RPS6KA2: variants seen among roughly 807,000 people sequenced by gnomAD.
The protein encoded by RPS6KA2 is ribosomal protein S6 kinase A2.
In RPS6KA2, 42 loss-of-function variants were observed where a neutral mutation model predicts 91.8. That is an observed-to-expected ratio of 0.46 (90% CI 0.36 to 0.59). RPS6KA2 has a LOEUF of 0.59. Among genes scored for constraint, RPS6KA2 ranks in the 20% least tolerant of loss-of-function variants. The pLI is 0.00. For synonymous variants in RPS6KA2, 414 were observed against 393.6 expected (o/e 1.05, Z -0.61); for missense variants, 798 against 978.5 (o/e 0.82, Z 2.46).
Position 166,733,249 on chromosome 6 carries a change from T to G in RPS6KA2, c.123+124951A>C, listed in dbSNP as rs547395261. ...TAATAGCCTTAGGCTGCAAGAGTCC[T>G]GTGGACGGCACTGTTCCCAAAGTCA... On this transcript the variant is annotated intron_variant, in intron 2 of 21. Transcript: ENST00000503859. The surrounding 1 kb of genome is among the most constrained non-coding windows in gnomAD (Gnocchi z 4.1). 6.6e-6 allele frequency among the ~76,000 whole-genome samples: 1 copy of G among 152,358 alleles called. No individual in the cohort carries two copies. The highest frequency in any genetic ancestry group is 6.5e-5 in the Admixed American group (1 of 15,306).
At chr6:166,414,562 C>G (rs1778433515) in intron 19 of RPS6KA2, among the ~76,000 whole-genome samples, 1 of 152,220 alleles carries the variant, frequency 6.6e-6, no homozygotes, top group Non-Finnish European at 1.5e-5. Context: ...TACTTGGTTA[C>G]AGTGTGAATT....
intron 2 of RPS6KA2, among the ~76,000 whole-genome samples, chr6:166,769,941 A>AT (rs1778420945): frequency 6.6e-6 from 1 of 152,178 alleles, no homozygotes; most frequent in South Asian, 2.1e-4. Context: ...ACCTTATTAT[A>AT]TTTTTGCTTT....
intron 11 of RPS6KA2, among the ~76,000 whole-genome samples, chr6:166,465,582 G>A (rs1046566715): frequency 6.6e-6 from 1 of 152,224 alleles, no homozygotes; most frequent in African/African-American, 2.4e-5. Context: ...AGTTTACGCG[G>A]TGTCCTGAAC....
chr6:166,706,475 G>T (rs191515952), intron 2 of RPS6KA2, among the ~76,000 whole-genome samples: 1 of 152,312 alleles, frequency 6.6e-6, no homozygotes, highest in Admixed American at 6.5e-5. Context: ...ACCAAGAGTT[G>T]GTGAGCGTGG....
At chr6:166,833,478 G>A (rs1780237901) in intron 2 of RPS6KA2, among the ~76,000 whole-genome samples, 1 of 152,192 alleles carries the variant, frequency 6.6e-6, no homozygotes, top group Non-Finnish European at 1.5e-5. Flanking sequence ...AATTTGTACA[G>A]TCATGTAACC....
At position 166,852,398 on chromosome 6, in the gene RPS6KA2, CT is replaced by C. The variant is rs1218194517; in HGVS notation, c.123+5801del. Among the ~76,000 whole-genome samples, 1 of 152,204 alleles carries C rather than the reference CT, an allele frequency of 6.6e-6. No individual in the cohort carries two copies. The highest frequency in any genetic ancestry group is 2.4e-5 in the African/African-American group (1 of 41,456). On this transcript the variant is annotated intron_variant, in intron 2 of 21. Transcript: ENST00000503859. The surrounding 1 kb of genome is among the most constrained non-coding windows in gnomAD (Gnocchi z 4.1). Reference sequence around the variant, plus strand: ...GGGCTTCATTATTCACCTTGTCTCACTTCTATTCAGACCAGTTTAGATTGTT... The same window carrying C: ...GGGCTTCATTATTCACCTTGTCTCACTCTATTCAGACCAGTTTAGATTGTT...
At position 166,413,802 on chromosome 6, in the gene RPS6KA2, G is replaced by T. The variant is rs377599195; in HGVS notation, c.2068C>A (p.Leu690Met). ...PNQLSRQDVH[L>M]VKGAMAATYF... ...CTGTCGCCTGCCGGTACCTTCACCA[G>T]GTGCACGTCCTGTCGGCTGAGCTGG... The change falls in exon 20 of 21, where the codon CTG becomes ATG. Residue 690 changes from leucine (L) to methionine (M), a missense_variant. Physicochemically the swap from Leu to Met is conservative, Grantham distance 15. Coordinates refer to ENST00000265678, the MANE Select transcript of RPS6KA2 (RefSeq NM_021135.6). The T allele has an allele frequency of 1.5e-5, 25 of 1,614,006 alleles. No homozygotes were observed. In the African/African-American group the frequency reaches 2.9e-4, roughly 19 times the overall value.
At chr6:166,592,792 A>T (rs939063971) in intron 1 of RPS6KA2, among the ~76,000 whole-genome samples, 2 of 152,206 alleles carry the variant, frequency 1.3e-5, no homozygotes, top group African/African-American at 4.8e-5. Context: ...GACTCAAAGA[A>T]CAGGCCTTCG....
intron 3 of RPS6KA2, among the ~76,000 whole-genome samples, chr6:166,525,375 C>T (rs1211089852): frequency 7.2e-5 from 11 of 152,138 alleles, no homozygotes; most frequent in Admixed American, 7.2e-4. Context: ...GCAGCACCGC[C>T]GGGTCAGAGG....
At chr6:166,731,191 G>A (rs192178095) in intron 2 of RPS6KA2, among the ~76,000 whole-genome samples, 152 of 152,166 alleles carry the variant, frequency 1.0e-3, no homozygotes, top group African/African-American at 3.5e-3. Context: ...GCGGTGAGCC[G>A]AGATTGCGCC....
intron 8 of RPS6KA2, among the ~76,000 whole-genome samples, chr6:166,491,219 C>T (rs865780649): frequency 6.6e-6 from 1 of 152,198 alleles, no homozygotes; most frequent in Non-Finnish European, 1.5e-5. Context: ...GACCTGACCA[C>T]AGCCATTAGC....
intron 13 of RPS6KA2, among the ~76,000 whole-genome samples, chr6:166,450,017 A>C (rs78875799): frequency 1.2e-5 from 1 of 82,900 alleles, no homozygotes; most frequent in Non-Finnish European, 2.9e-5. Context: ...ATGTCACCTA[A>C]GGGACCACCA....
intron 10 of RPS6KA2, among the ~76,000 whole-genome samples, chr6:166,476,756 C>A (rs539240934): frequency 2.6e-5 from 4 of 152,068 alleles, no homozygotes; most frequent in Non-Finnish European, 5.9e-5. Context: ...GCAATGAAGA[C>A]GCATTTGCTC....
intron 2 of RPS6KA2, among the ~76,000 whole-genome samples, chr6:166,850,518 T>C (rs905052432): frequency 1.3e-5 from 2 of 152,162 alleles, no homozygotes; most frequent in Non-Finnish European, 2.9e-5. Context: ...CCCCGGATTT[T>C]TGTGCACTCA....
intron 2 of RPS6KA2, among the ~76,000 whole-genome samples, chr6:166,768,684 C>T (rs925046894): frequency 6.6e-6 from 1 of 152,162 alleles, no homozygotes; most frequent in Non-Finnish European, 1.5e-5. Flanking sequence ...GAGTTAAAGC[C>T]TTCACTTGGC....
chr6:166,545,839 G>A (rs193065230), intron 1 of RPS6KA2, among the ~76,000 whole-genome samples: 27 of 152,274 alleles, frequency 1.8e-4, no homozygotes, highest in African/African-American at 6.0e-4. Flanking sequence ...GCTTATAAAC[G>A]GTGACTGACA....
chr6:166,702,405 A>C, intron 2 of RPS6KA2: 1 of 1,604,424 alleles, frequency 6.2e-7, no homozygotes, highest in East Asian at 2.2e-5. Context: ...TCTAACTGAA[A>C]TCCATTCAGT....
At chr6:166,446,999 A>G (rs1779700624) in intron 14 of RPS6KA2, among the ~76,000 whole-genome samples, 1 of 152,212 alleles carries the variant, frequency 6.6e-6, no homozygotes, top group South Asian at 2.1e-4. Context: ...GCTCTTCACC[A>G]CTGGAACATC....
At chr6:166,862,452 C>CCGCT in exon 1 of RPS6KA2, 12 of 1,187,328 alleles carry the variant, frequency 1.0e-5, no homozygotes, top group Non-Finnish European at 1.3e-5. Flanking sequence ...CTGCCGCTTC[C>CCGCT]CGCTCGGGCT....
Sources: allele counts gnomAD v4.1 joint callset (sites outside exome capture counted in the v4.1 genomes callset), GRCh38; gene constraint gnomAD v4.1.1; non-coding constraint Gnocchi (gnomAD v3.1); transcripts MANE v1.5; gene names NCBI Gene and HGNC (gene_info 2026-07-23, HGNC 2026-07-21).